HDAC4: variants seen among roughly 807,000 people sequenced by gnomAD.
HDAC4 encodes histone deacetylase 4, also known as histone deacetylase A.
HDAC4 carries 16 observed loss-of-function variants against 135.1 expected under a neutral mutation model. The ratio of observed to expected loss-of-function variants is 0.12; its 90% CI spans 0.08 to 0.18. The LOEUF (loss-of-function observed/expected upper bound fraction) is 0.18, where lower values mean the gene tolerates loss of function less well. Ranked by LOEUF, HDAC4 falls within the 10% of genes least tolerant of loss-of-function variation. The probability of loss-of-function intolerance (pLI) is 1.00; values close to 1 mark genes in which losing one functional copy is unlikely to be tolerated. For synonymous variants in HDAC4, 685 were observed against 653.4 expected (o/e 1.05, Z -0.74); for missense variants, 1,143 against 1,511.8 (o/e 0.76, Z 4.05).
intron 6 of HDAC4, among the ~76,000 whole-genome samples, chr2:239,159,848 C>T (rs996418489): frequency 1.6e-4 from 25 of 152,260 alleles, no homozygotes; most frequent in Admixed American, 1.3e-3. Context: ...GGGACACAGA[C>T]GCTGGGCCAG....
chr2:239,082,474 G>A (rs927745730), intron 20 of HDAC4, among the ~76,000 whole-genome samples: 21 of 152,314 alleles, frequency 1.4e-4, no homozygotes, highest in African/African-American at 3.4e-4. Context: ...CGCCCTTAGC[G>A]CCATGGCACA....
At chr2:239,390,586 C>CA (rs994431891) in intron 1 of HDAC4, among the ~76,000 whole-genome samples, 2 of 152,024 alleles carry the variant, frequency 1.3e-5, no homozygotes, top group African/African-American at 4.8e-5. Flanking sequence ...AAGCCACCCC[C>CA]AAAAATCCCC....
At chr2:239,329,548 G>A (rs965061248) in intron 2 of HDAC4, among the ~76,000 whole-genome samples, 1 of 140,488 alleles carries the variant, frequency 7.1e-6, no homozygotes, top group African/African-American at 2.5e-5. Context: ...TGCTCCGGCT[G>A]GGGGAGGGAA....
chr2:239,322,271 T>G (rs2053341425), intron 2 of HDAC4, among the ~76,000 whole-genome samples: 1 of 152,262 alleles, frequency 6.6e-6, no homozygotes, highest in African/African-American at 2.4e-5. Context: ...TCTACTGCCT[T>G]GCAATGACAA....
chr2:239,277,504 G>A (rs1381730483), intron 2 of HDAC4, among the ~76,000 whole-genome samples: 6 of 152,274 alleles, frequency 3.9e-5, no homozygotes, highest in East Asian at 1.9e-4. Context: ...TGCCAGTCAC[G>A]CCATGGTGGC....
intron 2 of HDAC4, among the ~76,000 whole-genome samples, chr2:239,325,693 G>T (rs1466944893): frequency 6.6e-6 from 1 of 152,344 alleles, no homozygotes; most frequent in East Asian, 1.9e-4. Flanking sequence ...GGCTGGGCGT[G>T]GTGGCTCACG....
chr2:239,101,135 C>T (rs1009289180), intron 16 of HDAC4, among the ~76,000 whole-genome samples: 8 of 152,164 alleles, frequency 5.3e-5, no homozygotes, highest in Non-Finnish European at 7.4e-5. Context: ...ACACCCCGGC[C>T]CACCTGCTTC....
Position 239,100,464 on chromosome 2 carries a change from G to A in HDAC4, c.2233+2312C>T, listed in dbSNP as rs144755291. Among the ~76,000 whole-genome samples, 24 of 152,314 alleles carry A rather than the reference G, an allele frequency of 1.6e-4. 1 individual carries two copies. In the East Asian group the frequency reaches 4.6e-3, roughly 29 times the overall value. ...GAACTTGTCCACGTTACGTGGATGT[G>A]GCATCCTCTCTGAGGGTGCTAATGG... On this transcript the variant is annotated intron_variant, in intron 16 of 26. Coordinates refer to ENST00000543185, the MANE Select transcript of HDAC4 (RefSeq NM_001378414.1).
In HDAC4 at chr2:239,081,151, A is replaced by G. The variant is rs370009350; in HGVS notation, c.2694T>C (p.Ala898=). Residue 898 remains alanine (A), a synonymous_variant, in exon 22 of 27, where the codon GCT becomes GCC. Transcript: ENST00000543185. ...GPGVGFNVNM[A]FTGGLDPPMG... is the part of the protein sequence containing the mutation. ...TGGGGGGGTCCAGGCCGCCGGTGAA[A>G]GCCATGTTGACGTTGAAACCCACGC... 52 of 1,613,882 alleles carry G rather than the reference A, an allele frequency of 3.2e-5. No individual in the cohort carries two copies. The highest frequency in any genetic ancestry group is 3.4e-6 in the Non-Finnish European group (4 of 1,180,026).
intron 16 of HDAC4, among the ~76,000 whole-genome samples, chr2:239,098,183 T>C (rs1435607429): frequency 3.3e-5 from 5 of 152,242 alleles, no homozygotes; most frequent in South Asian, 4.1e-4. Context: ...AATGGAGTTA[T>C]AGGCAGAGTT....
Position 239,335,508 on chromosome 2 carries a change from CAAAAAAA to C in HDAC4, c.22+17163_22+17169del, listed in dbSNP as rs61007856. Among the ~76,000 whole-genome samples the C allele has an allele frequency of 4.7e-4, 28 of 59,384 alleles. 2 individuals carry two copies. The South Asian group carries it at 0.01, about 22-fold the overall frequency. 39.0% of individuals were successfully genotyped at this position (59,384 alleles called of 152,430 possible). A position where few individuals can be genotyped will look rare whatever the true frequency, so the allele number is the denominator to read the frequency against. Reference sequence around the variant, plus strand: ...ATTAAAATTAAGAGCATCTGTTCAGCAAAAAAAAAAAAAAAAAAAAAACACCATTAAG... The same window carrying C: ...ATTAAAATTAAGAGCATCTGTTCAGCAAAAAAAAAAAAAAACACCATTAAG... On this transcript the variant is annotated intron_variant, in intron 2 of 26. Coordinates refer to ENST00000543185, the MANE Select transcript of HDAC4 (RefSeq NM_001378414.1).
chr2:239,067,041 T>A, intron 23 of HDAC4, 186 bp from the exon 24 acceptor site: 1 of 689,128 alleles, frequency 1.5e-6, no homozygotes, highest in Non-Finnish European at 2.5e-6. Flanking sequence ...TTGATCTGTT[T>A]GAGAGGAGGA....
chr2:239,201,852 G>A (rs1048351853), intron 3 of HDAC4, among the ~76,000 whole-genome samples: 1 of 152,202 alleles, frequency 6.6e-6, no homozygotes, highest in Non-Finnish European at 1.5e-5. Context: ...ATGTAAATCG[G>A]CTTTCACTTG....
At chr2:239,149,613 C>T (rs2041983819) in intron 7 of HDAC4, among the ~76,000 whole-genome samples, 3 of 152,172 alleles carry the variant, frequency 2.0e-5, no homozygotes, top group African/African-American at 4.8e-5. Context: ...AGATGCTGGG[C>T]ACAGGGTGGC....
intron 1 of HDAC4, among the ~76,000 whole-genome samples, chr2:239,364,981 A>G (rs1215196924): frequency 3.3e-5 from 5 of 152,276 alleles, no homozygotes; most frequent in African/African-American, 1.2e-4. Context: ...GAATTCCCAA[A>G]GAGGTACTAA....
At chr2:239,296,665 C>G (rs781571237) in intron 2 of HDAC4, among the ~76,000 whole-genome samples, 1 of 152,024 alleles carries the variant, frequency 6.6e-6, no homozygotes, top group Non-Finnish European at 1.5e-5. Context: ...AATAACAAAC[C>G]GAGGCAGCAC....
chr2:239,076,545 C>A (rs976854989), intron 22 of HDAC4, among the ~76,000 whole-genome samples: 2 of 152,244 alleles, frequency 1.3e-5, no homozygotes, highest in African/African-American at 4.8e-5. Flanking sequence ...TCAACACAAG[C>A]CTCAGAGCAA....
At position 239,269,228 on chromosome 2, in the gene HDAC4, CAT is replaced by C. The variant is rs1269459949; in HGVS notation, c.23-32566_23-32565del. ...ACACCCACACACATTCACACACCCA[CAT>C]ACATTCACACATCTACACACATTCA... On this transcript the variant is annotated intron_variant, in intron 2 of 26. Transcript: ENST00000543185. 6.6e-5 allele frequency among the ~76,000 whole-genome samples: 10 copies of C among 151,000 alleles called. No homozygotes were observed. The East Asian group carries it at 1.8e-3, about 27-fold the overall frequency.
In HDAC4 at chr2:239,313,842, T is replaced by A. The variant is rs1575679565; in HGVS notation, c.22+38836A>T. ...AATTCAAGGCAGGGCAAATAGAACA[T>A]GAAAGCCAGCCTGGAGCCCAGGGCC... is the stretch of plus-strand genomic sequence containing the variant. On this transcript the variant is annotated intron_variant, in intron 2 of 26. Coordinates refer to ENST00000543185, the MANE Select transcript of HDAC4 (RefSeq NM_001378414.1). The surrounding 1 kb of genome is among the most constrained non-coding windows in gnomAD (Gnocchi z 5.1). Among the ~76,000 whole-genome samples the A allele has an allele frequency of 2.6e-5, 4 of 152,116 alleles. No homozygotes were observed. In the South Asian group the frequency reaches 8.3e-4, roughly 32 times the overall value.
Sources: allele counts gnomAD v4.1 joint callset (sites outside exome capture counted in the v4.1 genomes callset), GRCh38; gene constraint gnomAD v4.1.1; non-coding constraint Gnocchi (gnomAD v3.1); transcripts MANE v1.5; gene names NCBI Gene and HGNC (gene_info 2026-07-23, HGNC 2026-07-21).